HNF4G: variants seen among roughly 807,000 people sequenced by gnomAD.
HNF4G encodes the protein hepatocyte nuclear factor 4-gamma.
Under a neutral mutation model 50.9 loss-of-function variants are expected in HNF4G, and 21 were observed. That is an observed-to-expected ratio of 0.41 (90% CI 0.29 to 0.59). The LOEUF is 0.59. Ranked by LOEUF, HNF4G falls within the 20% of genes least tolerant of loss-of-function variation. The pLI is 0.26. For missense variants in HNF4G, 527 were observed against 559.4 expected, an observed-to-expected ratio of 0.94 and a Z score of 0.58; for synonymous variants, 198 against 185.6, an observed-to-expected ratio of 1.07 and a Z score of -0.54.
At chr8:75,467,530 C>G (rs1036967445) in intron 1 of HNF4G, among the ~76,000 whole-genome samples, 1 of 151,994 alleles carries the variant, frequency 6.6e-6, no homozygotes, top group Non-Finnish European at 1.5e-5. Context: ...CGTGGTGGCA[C>G]ACACCTGTAG....
rs964827024 is a variant in HNF4G at position 75,533,192 on chromosome 8, G to C, written c.-23-10619G>C. 1.9e-4 allele frequency among the ~76,000 whole-genome samples: 29 copies of C among 152,000 alleles called. 1 individual carries two copies. The highest frequency in any genetic ancestry group is 6.6e-5 in the Admixed American group (1 of 15,262). The stretch of plus-strand genomic sequence containing the variant: ...AGTATTTGTGGAGCATTTCCTGGGT[G>C]ACATACAGTATTCTAGGAACTGCAG... On this transcript the variant is annotated intron_variant, in intron 2 of 10. Coordinates refer to the HNF4G transcript ENST00000354370.
At chr8:75,555,902 C>T (rs1257133480) in intron 5 of HNF4G, 80 bp from the exon 6 acceptor site, 2 of 757,170 alleles carry the variant, frequency 2.6e-6, no homozygotes, top group African/African-American at 3.6e-5. Flanking sequence ...TTAAAGAACA[C>T]TCTAAGTTAA....
chr8:75,557,335 T>C (rs1046908597), intron 6 of HNF4G, among the ~76,000 whole-genome samples: 3 of 152,080 alleles, frequency 2.0e-5, no homozygotes, highest in African/African-American at 7.2e-5. Flanking sequence ...AAACATTACA[T>C]TGGGCCAGGC....
At chr8:75,430,113 T>A (rs1401791422) in intron 1 of HNF4G, among the ~76,000 whole-genome samples, 1 of 149,516 alleles carries the variant, frequency 6.7e-6, no homozygotes, top group Non-Finnish European at 1.5e-5. Flanking sequence ...TTCGCACCAC[T>A]ACACTCCAGC....
chr8:75,509,528 A>G (rs1356987801), intron 2 of HNF4G, among the ~76,000 whole-genome samples: 2 of 152,250 alleles, frequency 1.3e-5, no homozygotes, highest in Non-Finnish European at 2.9e-5. Context: ...TGGAAATCGT[A>G]GCAAAGTAAG....
At chr8:75,450,278 A>G (rs1006212496) in intron 1 of HNF4G, among the ~76,000 whole-genome samples, 3 of 149,784 alleles carry the variant, frequency 2.0e-5, no homozygotes, top group Non-Finnish European at 4.5e-5. Context: ...GGTTAATTAC[A>G]TGTCTTGGCT....
upstream of HNF4G, among the ~76,000 whole-genome samples, chr8:75,535,352 A>ATT (rs10695174): frequency 0.62 from 94,148 of 150,792 alleles, 30,724 homozygotes; most frequent in African/African-American, 0.81. Flanking sequence ...AGGAAATATG[A>ATT]TTTTTTTTTA....
chr8:75,499,192 T>A (rs756376723), intron 2 of HNF4G, among the ~76,000 whole-genome samples: 5 of 152,032 alleles, frequency 3.3e-5, no homozygotes, highest in African/African-American at 7.2e-5. Flanking sequence ...ATAGGATAGA[T>A]ACAAGGTTAA....
At chr8:75,500,591 A>G (rs1327843508) in intron 2 of HNF4G, among the ~76,000 whole-genome samples, 1 of 152,194 alleles carries the variant, frequency 6.6e-6, no homozygotes, top group Non-Finnish European at 1.5e-5. Flanking sequence ...TTGTTCATAA[A>G]AACTGAATAG....
chr8:75,417,746 C>A (rs553147936), intron 1 of HNF4G, among the ~76,000 whole-genome samples: 2 of 152,212 alleles, frequency 1.3e-5, no homozygotes, highest in African/African-American at 4.8e-5. Flanking sequence ...TGTAAATAAA[C>A]AATACGGCAG....
At position 75,558,662 on chromosome 8, in the gene HNF4G, T is replaced by A; in HGVS notation, c.878T>A (p.Phe293Tyr). The change falls in exon 7 of 10, where the codon TTT (phenylalanine) becomes TAT (tyrosine). Residue 293 changes from phenylalanine to tyrosine, a missense_variant. Coordinates refer to ENST00000396423, the MANE Select transcript of HNF4G (RefSeq NM_004133.5). ...GCTTGTTTAAAGGCAATTGTATTTTTTGATCCAGGTTGGTTTTCAAAATTC... is the reference window on the plus strand; with the variant it reads ...GCTTGTTTAAAGGCAATTGTATTTTATGATCCAGGTTGGTTTTCAAAATTC... ...EYACLKAIVF[F>Y]DPDAKGLSDP... is the part of the protein sequence containing the mutation. 6.2e-7 allele frequency: 1 copy of A among 1,611,052 alleles called. No homozygotes were observed. The highest frequency in any genetic ancestry group is 8.5e-7 in the Non-Finnish European group (1 of 1,179,170).
intron 2 of HNF4G, among the ~76,000 whole-genome samples, chr8:75,506,430 T>A (rs1377267934): frequency 6.6e-6 from 1 of 152,162 alleles, no homozygotes; most frequent in Non-Finnish European, 1.5e-5. Context: ...CCTCATTTTA[T>A]CCTTTTGAAT....
chr8:75,423,836 T>TTC (rs1467652241), intron 1 of HNF4G, among the ~76,000 whole-genome samples: 1 of 133,164 alleles, frequency 7.5e-6, no homozygotes, highest in Non-Finnish European at 1.6e-5. Context: ...TTTTTTTTTT[T>TTC]TTTTTTGATA....
At chr8:75,537,567 A>G (rs1260149478), upstream of HNF4G, among the ~76,000 whole-genome samples, 2 of 151,446 alleles carry the variant, frequency 1.3e-5, no homozygotes, top group Non-Finnish European at 3.0e-5. Context: ...TTTTTCCTCC[A>G]CTATAAAAAC....
intron 5 of HNF4G, among the ~76,000 whole-genome samples, chr8:75,553,736 G>A (rs1036210751): frequency 3.3e-5 from 5 of 152,116 alleles, no homozygotes; most frequent in African/African-American, 1.2e-4. Context: ...AAAGTTACAT[G>A]TCTGGCAAAA....
At chr8:75,494,304 AC>A (rs1812709486) in intron 2 of HNF4G, among the ~76,000 whole-genome samples, 1 of 30,978 alleles carries the variant, frequency 3.2e-5, no homozygotes, top group Admixed American at 2.7e-4. Flanking sequence ...CATACAGCAC[AC>A]ACACACACAC....
At chr8:75,488,856 C>A (rs367943210) in intron 1 of HNF4G, among the ~76,000 whole-genome samples, 1 of 152,064 alleles carries the variant, frequency 6.6e-6, no homozygotes, top group South Asian at 2.1e-4. Flanking sequence ...GTTTCATCCT[C>A]GGTTTGGTCA....
In HNF4G at chr8:75,527,433, G is replaced by A. The variant is rs74507870; in HGVS notation, c.-23-16378G>A. On this transcript the variant is annotated intron_variant, in intron 2 of 10. Coordinates refer to the HNF4G transcript ENST00000354370. The stretch of plus-strand genomic sequence containing the variant: ...CAGGAGCATAGCCCTATTTCTCCTA[G>A]GAGCAGTCGTTCAGTATTCGCTAAT... 1.4e-3 allele frequency among the ~76,000 whole-genome samples: 209 copies of A among 152,272 alleles called. 1 individual carries two copies. The highest frequency in any genetic ancestry group is 4.4e-3 in the African/African-American group (182 of 41,558).
intron 1 of HNF4G, among the ~76,000 whole-genome samples, chr8:75,480,824 C>A (rs987394549): frequency 6.6e-6 from 1 of 150,902 alleles, no homozygotes; most frequent in East Asian, 1.9e-4. Flanking sequence ...GATTCTCTTG[C>A]CTCAGCCTCC....
Sources: allele counts gnomAD v4.1 joint callset (sites outside exome capture counted in the v4.1 genomes callset), GRCh38; gene constraint gnomAD v4.1.1; transcripts MANE v1.5; gene names NCBI Gene and HGNC (gene_info 2026-07-23, HGNC 2026-07-21).